The following MACROD2 variants were observed in gnomAD, a reference collection of about 807,000 sequenced individuals.
The protein encoded by MACROD2 is mono-ADP ribosylhydrolase 2, also known as ADP-ribose glycohydrolase MACROD2.
A neutral mutation model predicts 70.4 loss-of-function variants in MACROD2; 36 were observed. The ratio of observed to expected loss-of-function variants is 0.51; its 90% CI spans 0.39 to 0.68. The LOEUF (loss-of-function observed/expected upper bound fraction) is 0.68. Among genes scored for constraint, MACROD2 ranks in the 30% least tolerant of loss-of-function variants. The pLI, the probability that MACROD2 is intolerant of heterozygous loss-of-function variation, is 0.00. For synonymous variants in MACROD2, 172 were observed against 178.8 expected (o/e 0.96, Z 0.30); for missense variants, 496 against 538.4 (o/e 0.92, Z 0.78).
chr20:15,447,535 C>T (rs929654673), intron 7 of MACROD2, among the ~76,000 whole-genome samples: 1 of 152,144 alleles, frequency 6.6e-6, no homozygotes, highest in Non-Finnish European at 1.5e-5. Flanking sequence ...CTCTCCAGCC[C>T]CAGGGCTGCC....
intron 5 of MACROD2, among the ~76,000 whole-genome samples, chr20:14,846,677 C>T (rs555497000): frequency 1.3e-5 from 2 of 152,118 alleles, no homozygotes; most frequent in South Asian, 4.2e-4. Flanking sequence ...GCCACCACGC[C>T]TGGCTAATTT....
At chr20:14,740,197 A>G (rs1310242554) in intron 5 of MACROD2, among the ~76,000 whole-genome samples, 1 of 152,144 alleles carries the variant, frequency 6.6e-6, no homozygotes, top group African/African-American at 2.4e-5. Context: ...CATTTTGAGC[A>G]TAGTCTCTTA....
chr20:15,283,703 A>G (rs1351819484), intron 6 of MACROD2, among the ~76,000 whole-genome samples: 1 of 152,128 alleles, frequency 6.6e-6, no homozygotes, highest in Non-Finnish European at 1.5e-5. Flanking sequence ...AAACAAAAAC[A>G]AAAAAGAAAA....
At chr20:15,082,625 A>C (rs1317554667) in intron 5 of MACROD2, among the ~76,000 whole-genome samples, 2 of 143,078 alleles carry the variant, frequency 1.4e-5, no homozygotes, top group African/African-American at 2.6e-5. Flanking sequence ...TGCATTGATC[A>C]TTTTAATTCA....
At chr20:14,024,654 G>A (rs1422696771) in intron 2 of MACROD2, among the ~76,000 whole-genome samples, 2 of 152,174 alleles carry the variant, frequency 1.3e-5, no homozygotes, top group African/African-American at 2.4e-5. Context: ...TGTTGGTTCT[G>A]TTTATGTGAT....
intron 3 of MACROD2, among the ~76,000 whole-genome samples, chr20:14,295,955 A>G (rs751292180): frequency 2.0e-5 from 3 of 151,874 alleles, no homozygotes; most frequent in Non-Finnish European, 4.4e-5. Flanking sequence ...TTGGCCTGTC[A>G]ATTACTCAGG....
chr20:16,002,899 G>T (rs1343662886), intron 15 of MACROD2, among the ~76,000 whole-genome samples: 1 of 152,096 alleles, frequency 6.6e-6, no homozygotes, highest in African/African-American at 2.4e-5. Flanking sequence ...TCTTTTGGGT[G>T]GTGATGAGGC....
In MACROD2 at chr20:15,230,635, A is replaced by G. The variant is rs116952240; in HGVS notation, c.540+574A>G. Among the ~76,000 whole-genome samples the G allele has an allele frequency of 3.1e-3, 479 of 152,252 alleles. 15 individuals carry two copies. The East Asian group carries it at 0.06, about 19-fold the overall frequency. On this transcript the variant is annotated intron_variant, in intron 6 of 17. Transcript: ENST00000684519. The stretch of plus-strand genomic sequence containing the variant: ...TATTCTGTAGGTGGTAGCTGGGTAT[A>G]CCACAGCTCTTCTAAGTTTTATCAG...
At chr20:14,134,957 T>C (rs139742255) in intron 3 of MACROD2, among the ~76,000 whole-genome samples, 10 of 152,232 alleles carry the variant, frequency 6.6e-5, no homozygotes, top group African/African-American at 2.4e-4. Flanking sequence ...TTCTTGGTAA[T>C]GGCAACAAAG....
rs2050415468 is a variant in MACROD2 at position 15,698,960 on chromosome 20, T to C, written c.646-163785T>C. On this transcript the variant is annotated intron_variant, in intron 8 of 17. Coordinates refer to ENST00000684519, the MANE Select transcript of MACROD2 (RefSeq NM_001351661.2). ...CTTTTTCTTTAAGCTATCTATTTCA[T>C]TGAATATTTCTCCCTTTACTTCTTG... Among the ~76,000 whole-genome samples, 3 of 152,234 alleles carry C rather than the reference T, an allele frequency of 2.0e-5. No individual in the cohort carries two copies. The South Asian group carries it at 6.2e-4, about 31-fold the overall frequency.
At chr20:14,898,556 G>A (rs1032407716) in intron 5 of MACROD2, among the ~76,000 whole-genome samples, 8 of 152,128 alleles carry the variant, frequency 5.3e-5, no homozygotes, top group East Asian at 1.9e-4. Flanking sequence ...GTGAAACCCC[G>A]TCTCTACAAA....
chr20:15,382,231 C>T (rs1328205895), intron 6 of MACROD2, among the ~76,000 whole-genome samples: 1 of 152,148 alleles, frequency 6.6e-6, no homozygotes, highest in African/African-American at 2.4e-5. Flanking sequence ...CTAGCAGCTG[C>T]TTTCCACCTA....
chr20:15,265,445 T>C (rs1281542928), intron 6 of MACROD2, among the ~76,000 whole-genome samples: 1 of 152,230 alleles, frequency 6.6e-6, no homozygotes, highest in Non-Finnish European at 1.5e-5. Context: ...CCCATGCTAC[T>C]CTACCTAACC....
chr20:14,514,077 A>G (rs2085061157), intron 4 of MACROD2, among the ~76,000 whole-genome samples: 1 of 152,066 alleles, frequency 6.6e-6, no homozygotes. Flanking sequence ...CCATAAAGTG[A>G]CTTCTTGCTC....
In MACROD2 at chr20:15,626,865, A is replaced by C. The variant is rs575659816; in HGVS notation, c.645+127018A>C. 4.6e-3 allele frequency among the ~76,000 whole-genome samples: 683 copies of C among 149,642 alleles called. 3 individuals carry two copies. Among genetic ancestry groups the C allele is most frequent in the East Asian group, 8.7e-3 (44 of 5,064 alleles). Reference sequence around the variant, plus strand: ...ACAAGACTCCATACCCCACCCCCCCAAAAAAAAATTGCAAATGACTGTAAT... The same window carrying C: ...ACAAGACTCCATACCCCACCCCCCCCAAAAAAAATTGCAAATGACTGTAAT... On this transcript the variant is annotated intron_variant, in intron 8 of 17. Coordinates refer to ENST00000684519, the MANE Select transcript of MACROD2 (RefSeq NM_001351661.2).
At chr20:14,259,484 T>C (rs1601408836) in intron 3 of MACROD2, among the ~76,000 whole-genome samples, 1 of 152,306 alleles carries the variant, frequency 6.6e-6, no homozygotes, top group South Asian at 2.1e-4. Context: ...TTTCATTCTG[T>C]GAAAGTATGC....
intron 5 of MACROD2, among the ~76,000 whole-genome samples, chr20:14,702,317 C>CT (rs2071205659): frequency 6.6e-6 from 1 of 151,508 alleles, no homozygotes; most frequent in Non-Finnish European, 1.5e-5. Context: ...ACAAATTCTT[C>CT]TTTTCAGTCT....
chr20:14,646,686 A>G (rs1985411618), intron 4 of MACROD2, among the ~76,000 whole-genome samples: 1 of 152,080 alleles, frequency 6.6e-6, no homozygotes, highest in South Asian at 2.1e-4. Flanking sequence ...CCTTTGCATC[A>G]TTATGTTTGC....
chr20:14,672,462 G>A (rs1185490896), intron 4 of MACROD2, among the ~76,000 whole-genome samples: 2 of 152,190 alleles, frequency 1.3e-5, no homozygotes. Context: ...CTAGATTCAA[G>A]TGGTAGGGAA....
Sources: gnomAD v4.1 joint callset for allele counts (sites outside exome capture counted in the v4.1 genomes callset) on GRCh38, gnomAD v4.1.1 for gene constraint, MANE v1.5 for transcripts, NCBI Gene and HGNC (gene_info 2026-07-23, HGNC 2026-07-21) for gene names.